Variants in PHF11 observed in about 807,000 individuals in gnomAD.
PHF11 encodes the protein PHD finger protein 11.
In PHF11, 38 loss-of-function variants were observed where a neutral mutation model predicts 40.5. The ratio of observed to expected loss-of-function variants is 0.94; its 90% CI spans 0.72 to 1.23. The LOEUF (loss-of-function observed/expected upper bound fraction) is 1.23, where lower values mean the gene tolerates loss of function less well. Ranked by LOEUF, PHF11 falls within the 50% of genes most tolerant of loss-of-function variation. The probability of loss-of-function intolerance (pLI) is 0.00; values close to 1 mark genes in which losing one functional copy is unlikely to be tolerated. For missense variants in PHF11, 369 were observed against 392.4 expected (o/e 0.94, Z 0.50); for synonymous variants, 127 against 138.2 (o/e 0.92, Z 0.57).
chr13:49,527,156 T>TAA (rs1959339286), intron 9 of PHF11: 1 of 152,232 alleles, frequency 6.6e-6, no homozygotes, highest in South Asian at 2.1e-4. Flanking sequence ...GAGGGAGATT[T>TAA]AACCTTCCTA....
chr13:49,505,094 T>C (rs1209361651), intron 1 of PHF11, among the ~76,000 whole-genome samples: 2 of 130,650 alleles, frequency 1.5e-5, no homozygotes, highest in Non-Finnish European at 1.6e-5. Flanking sequence ...CACCCAAGAA[T>C]GATAAATAAA....
intron 5 of PHF11, chr13:49,521,447 A>G: frequency 2.0e-6 from 2 of 986,282 alleles, no homozygotes; most frequent in Non-Finnish European, 2.4e-6. Context: ...TGTGAAGTGG[A>G]GTCAGGACCT....
intron 4 of PHF11, among the ~76,000 whole-genome samples, chr13:49,520,420 T>G (rs1355924926): frequency 6.6e-6 from 1 of 152,216 alleles, no homozygotes; most frequent in Non-Finnish European, 1.5e-5. Flanking sequence ...TCTAGGCCCT[T>G]TGTAGGTCAA....
At chr13:49,507,400 C>A (rs2033780060) in intron 2 of PHF11, among the ~76,000 whole-genome samples, 1 of 152,144 alleles carries the variant, frequency 6.6e-6, no homozygotes, top group Non-Finnish European at 1.5e-5. Flanking sequence ...ATTAACTGTT[C>A]TGTGAATGGG....
intron 5 of PHF11, among the ~76,000 whole-genome samples, chr13:49,521,751 ATTTG>A (rs1166311851): frequency 5.3e-5 from 8 of 152,114 alleles, no homozygotes; most frequent in Non-Finnish European, 1.2e-4. Context: ...CACCAATTAT[ATTTG>A]TTTTCCTATG....
chr13:49,498,425 A>G (rs150832976), intron 1 of PHF11, among the ~76,000 whole-genome samples: 6 of 130,460 alleles, frequency 4.6e-5, no homozygotes, highest in African/African-American at 2.3e-4. Flanking sequence ...CCGGTAGATC[A>G]TTCTGACAGT....
chr13:49,524,897 G>A (rs183698165), intron 8 of PHF11, among the ~76,000 whole-genome samples: 16 of 152,298 alleles, frequency 1.1e-4, no homozygotes, highest in Admixed American at 1.0e-3. Context: ...CCTGAGAGTT[G>A]TGGTACATTT....
Position 49,528,711 on chromosome 13 carries a change from G to C in PHF11, c.*46G>C. 1.4e-6 allele frequency: 2 copies of C among 1,429,960 alleles called. No homozygotes were observed. Among genetic ancestry groups the C allele is most frequent in the Non-Finnish European group, 1.9e-6 (2 of 1,042,182 alleles). The allele number at this position is 1,429,960 out of a possible 1,614,324, so 88.6% of individuals were successfully genotyped here. ...AAGAGTCATGTCAAATTGCAATCAG[G>C]CTCAAAACCAGAGACCAGGCTGTGA... On this transcript the variant is annotated 3_prime_UTR_variant, in exon 10 of 10. Transcript: ENST00000378319.
intron 1 of PHF11, chr13:49,496,456 A>T: frequency 9.8e-7 from 1 of 1,022,726 alleles, no homozygotes; most frequent in Non-Finnish European, 1.2e-6. Flanking sequence ...CCGGTAAACC[A>T]GGACAGTGGA....
chr13:49,518,272 C>T, intron 4 of PHF11, 121 bp downstream of exon 4: 3 of 567,768 alleles, frequency 5.3e-6, no homozygotes, highest in Non-Finnish European at 8.9e-6. Context: ...AGAACAAAGC[C>T]AGTTTGGGGG....
chr13:49,512,182 T>C (rs1383094300), intron 2 of PHF11, among the ~76,000 whole-genome samples: 1 of 152,236 alleles, frequency 6.6e-6, no homozygotes, highest in East Asian at 1.9e-4. Context: ...TTCATAAACC[T>C]TCTTTCATGA....
intron 3 of PHF11, among the ~76,000 whole-genome samples, chr13:49,514,778 G>A (rs909902431): frequency 2.1e-5 from 3 of 142,624 alleles, no homozygotes; most frequent in African/African-American, 7.9e-5. Context: ...AAAAAAAAAA[G>A]AGTGTGTGGA....
At chr13:49,504,453 CT>C (rs1180087086) in intron 1 of PHF11, among the ~76,000 whole-genome samples, 2 of 151,262 alleles carry the variant, frequency 1.3e-5, no homozygotes, top group Non-Finnish European at 3.0e-5. Context: ...GAGACTCTGT[CT>C]AAAAAAAAAG....
chr13:49,518,193 G>A lies in PHF11; in HGVS notation c.458+42G>A, dbSNP rs146717875. On this transcript the variant is annotated intron_variant, in intron 4 of 9. Transcript: ENST00000378319. The stretch of plus-strand genomic sequence containing the variant: ...TTTTAAAACCACATTTGGGGGATTG[G>A]GATAAGGAATGGTTGGATTAAGACA... 523 of 1,411,528 alleles carry A rather than the reference G, an allele frequency of 3.7e-4. 4 individuals carry two copies. The African/African-American group carries it at 6.3e-3, about 17-fold the overall frequency. The allele number at this position is 1,411,528 out of a possible 1,614,324, so 87.4% of individuals were successfully genotyped here.
intron 1 of PHF11, among the ~76,000 whole-genome samples, chr13:49,500,778 C>A (rs1566185122): frequency 6.6e-6 from 1 of 152,150 alleles, no homozygotes; most frequent in Admixed American, 6.5e-5. Flanking sequence ...TCTCTGTATT[C>A]CCCGTTGTCA....
At chr13:49,519,067 C>T (rs1438099524) in intron 4 of PHF11, among the ~76,000 whole-genome samples, 1 of 152,008 alleles carries the variant, frequency 6.6e-6, no homozygotes, top group East Asian at 1.9e-4. Flanking sequence ...AATCTCCTGA[C>T]CTCGTGATCC....
intron 8 of PHF11, 196 bp from the exon 9 acceptor site, chr13:49,526,189 AAG>A (rs1426285199): frequency 2.8e-5 from 14 of 498,058 alleles, no homozygotes; most frequent in African/African-American, 1.0e-4. Flanking sequence ...AAAAAAAAAA[AAG>A]AAAAAAGAGA....
Position 49,528,596 on chromosome 13 carries a change from C to T in PHF11, c.927C>T (p.Thr309=), listed in dbSNP as rs143787655. 3.1e-6 allele frequency: 5 copies of T among 1,610,944 alleles called. No individual in the cohort carries two copies. The African/African-American group carries it at 6.7e-5, about 22-fold the overall frequency. ...EIELLQDLKQ[T]LCSFQENRDL... ...AGCTACTTCAGGACTTAAAACAAAC[C>T]TTGTGCTCTTTTCAAGAAAATAGAG... The change falls in exon 10 of 10, where the codon ACC becomes ACT. Residue 309 remains threonine, a synonymous_variant. Transcript: ENST00000378319.
chr13:49,517,632 G>A (rs1045272660), intron 3 of PHF11, among the ~76,000 whole-genome samples: 1 of 152,176 alleles, frequency 6.6e-6, no homozygotes, highest in Non-Finnish European at 1.5e-5. Flanking sequence ...CACAGCCAGC[G>A]ACCAATCTCG....
Sources: gnomAD v4.1 joint callset for allele counts (sites outside exome capture counted in the v4.1 genomes callset) on GRCh38, gnomAD v4.1.1 for gene constraint, MANE v1.5 for transcripts, NCBI Gene and HGNC (gene_info 2026-07-23, HGNC 2026-07-21) for gene names.